NAV3: variants seen among roughly 807,000 people sequenced by gnomAD.
NAV3 encodes the protein neuron navigator 3, also known as pore membrane and/or filament interacting like protein 1.
In NAV3, 87 loss-of-function variants were observed where a neutral mutation model predicts 244.7. The observed-to-expected ratio is 0.36, with a 90% CI of 0.30 to 0.42. The LOEUF is 0.42. Among genes scored for constraint, NAV3 ranks in the 20% least tolerant of loss-of-function variants. The probability of loss-of-function intolerance (pLI) is 1.00; values close to 1 mark genes in which losing one functional copy is unlikely to be tolerated. For synonymous variants in NAV3, 1,126 were observed against 1,042.2 expected (o/e 1.08, Z -1.55); for missense variants, 2,663 against 2,893.3 (o/e 0.92, Z 1.83).
chr12:78,119,244 C>T lies in NAV3; in HGVS notation c.3048C>T (p.Thr1016=), dbSNP rs1280619178. ...GTATTTCTCCTTAATTAGGGAAAAC[C>T]GATGATGCCAAAGCTTCTGAGAAAG... ...GTSALKTPGK[T]DDAKASEKGK... Residue 1016 remains threonine (T), a synonymous_variant, in exon 15 of 40, where the codon ACC becomes ACT. Transcript: ENST00000397909. The T allele has an allele frequency of 4.4e-6, 7 of 1,608,368 alleles. No individual in the cohort carries two copies. Among genetic ancestry groups the T allele is most frequent in the Admixed American group, 1.7e-5 (1 of 58,554 alleles).
intron 1 of NAV3, among the ~76,000 whole-genome samples, chr12:77,936,575 T>G (rs545747215): frequency 6.6e-6 from 1 of 152,334 alleles, no homozygotes; most frequent in Non-Finnish European, 1.5e-5. Flanking sequence ...AAAAAAACTA[T>G]AATTAATTCA....
chr12:77,830,994 A>T lies in NAV3; in HGVS notation c.-468A>T, dbSNP rs7977457. 1 of 152,078 alleles carries T rather than the reference A, an allele frequency of 6.6e-6. No homozygotes were observed. Among genetic ancestry groups the T allele is most frequent in the East Asian group, 1.9e-4 (1 of 5,176 alleles). 9.4% of individuals were successfully genotyped at this position (152,078 alleles called of 1,614,324 possible). The stretch of plus-strand genomic sequence containing the variant: ...CCTTTTGATTTTTTCCTCTTTTTCA[A>T]TCTCAAAGTTCAGACTCAGACTGCT... On this transcript the variant is annotated 5_prime_UTR_variant, in exon 1 of 40. Coordinates refer to ENST00000397909, the MANE Select transcript of NAV3 (RefSeq NM_001024383.2).
intron 5 of NAV3, among the ~76,000 whole-genome samples, chr12:77,987,802 G>C (rs959213894): frequency 6.6e-6 from 1 of 152,122 alleles, no homozygotes; most frequent in Non-Finnish European, 1.5e-5. Context: ...CTGAAGTTTA[G>C]GATTGAGATT....
In NAV3 at chr12:77,772,785, A is replaced by T. The variant is rs145873031; in HGVS notation, c.73-167534A>T. Among the ~76,000 whole-genome samples the T allele has an allele frequency of 3.6e-3, 552 of 152,252 alleles. 6 individuals carry two copies. The highest frequency in any genetic ancestry group is 0.013 in the African/African-American group (533 of 41,536). On this transcript the variant is annotated intron_variant, in intron 2 of 8. Coordinates refer to the NAV3 transcript ENST00000550042. ...TGAATTTTTACTGCGGTTTAGAATG[A>T]CCGTCAATGGCCAAAATGTGCTTTT...
rs1172325835 is a variant in NAV3 at position 78,119,644 on chromosome 12, C to T, written c.3448C>T (p.Pro1150Ser). ...TTCAAAATCCAGCACCAGTGGCATT[C>T]CTGGCCGAGGAGGCCACAGATCCAG... ...RPSKSSTSGIPGRGGHRSSTS... is the reference protein window; with the variant it reads ...RPSKSSTSGISGRGGHRSSTS... Residue 1150 changes from proline (P) to serine (S), a missense_variant, in exon 15 of 40, where the codon CCT becomes TCT. Physicochemically the swap from Pro to Ser is moderately conservative, Grantham distance 74 (BLOSUM62 -1). Around this residue, in one of 6 missense-constraint regions of NAV3, gnomAD observed 1,521 missense variants for 1,497.0 expected, o/e 1.02. Transcript: ENST00000397909. 4 of 1,614,054 alleles carry T rather than the reference C, an allele frequency of 2.5e-6. No homozygotes were observed.
chr12:77,712,568 C>T lies in NAV3; in HGVS notation c.72+140302C>T, dbSNP rs1000013285. Among the ~76,000 whole-genome samples the T allele has an allele frequency of 1.1e-3, 167 of 152,260 alleles. 1 individual carries two copies. The highest frequency in any genetic ancestry group is 3.4e-3 in the African/African-American group (143 of 41,558). On this transcript the variant is annotated intron_variant, in intron 2 of 8. Coordinates refer to the NAV3 transcript ENST00000550042. ...ATAAGATAAATGTTAGCCTGATATCCTAACCAGAACATGTTTATAGTGACC... is the reference window on the plus strand; with the variant it reads ...ATAAGATAAATGTTAGCCTGATATCTTAACCAGAACATGTTTATAGTGACC...
intron 2 of NAV3, among the ~76,000 whole-genome samples, chr12:77,659,645 A>G (rs1411614614): frequency 6.6e-6 from 1 of 152,208 alleles, no homozygotes; most frequent in Non-Finnish European, 1.5e-5. Context: ...ATACTGCTAT[A>G]AAGACACATG....
rs772202941 is a variant in NAV3, at chr12:78,175,391, T to C, written c.5067T>C (p.Asn1689=). Reference sequence around the variant, plus strand: ...GCCATTCCAGTATTGGCAGTGGTAATGATGCCGACTCCAAGAAGAAGAAAA... The same window carrying C: ...GCCATTCCAGTATTGGCAGTGGTAACGATGCCGACTCCAAGAAGAAGAAAA... The part of the protein sequence containing the change: ...ATSHSSIGSG[N]DADSKKKKKK... The change falls in exon 25 of 40, where the codon AAT becomes AAC. Residue 1689 remains asparagine (N), a synonymous_variant. Coordinates refer to ENST00000397909, the MANE Select transcript of NAV3 (RefSeq NM_001024383.2). 6.2e-7 allele frequency: 1 copy of C among 1,611,546 alleles called. No homozygotes were observed. The highest frequency in any genetic ancestry group is 8.5e-7 in the Non-Finnish European group (1 of 1,178,302).
At chr12:77,593,538 C>T (rs1423535652) in intron 2 of NAV3, among the ~76,000 whole-genome samples, 1 of 151,192 alleles carries the variant, frequency 6.6e-6, no homozygotes, top group African/African-American at 2.4e-5. Flanking sequence ...CAATCTCCAC[C>T]TCCCGGGTTC....
Position 78,048,884 on chromosome 12 carries a change from G to T in NAV3, c.2024-1109G>T, listed in dbSNP as rs12313224. On this transcript the variant is annotated intron_variant, in intron 9 of 39. Transcript: ENST00000397909. ...AGTTTTATCTGTAAGCCCCTGACTG[G>T]GGCTGCTACCTTTCTTTCAGATATG... 6.3e-3 allele frequency among the ~76,000 whole-genome samples: 956 copies of T among 152,296 alleles called. 9 individuals carry two copies. The highest frequency in any genetic ancestry group is 0.021 in the African/African-American group (891 of 41,564).
chr12:77,613,301 TCAA>T (rs1871002848), intron 2 of NAV3, among the ~76,000 whole-genome samples: 2 of 152,164 alleles, frequency 1.3e-5, no homozygotes, highest in African/African-American at 4.8e-5. Flanking sequence ...AAAACAGAAC[TCAA>T]CAACTTTTAT....
chr12:77,970,616 G>C (rs11107614), intron 5 of NAV3, among the ~76,000 whole-genome samples: 12 of 152,152 alleles, frequency 7.9e-5, no homozygotes, highest in African/African-American at 2.6e-4. Flanking sequence ...AAATAATGCA[G>C]ATATTTGACT....
At chr12:78,000,198 G>C (rs1677882) in intron 7 of NAV3, among the ~76,000 whole-genome samples, 21,564 of 152,132 alleles carry the variant, frequency 0.14, 1,641 homozygotes, top group East Asian at 0.3. Flanking sequence ...AGAAGGCAGT[G>C]CAAAATTAGA....
At chr12:77,868,789 G>A (rs1329111526) in intron 1 of NAV3, among the ~76,000 whole-genome samples, 3 of 151,018 alleles carry the variant, frequency 2.0e-5, no homozygotes, top group South Asian at 2.1e-4. Context: ...AAACTTAGAG[G>A]CTGGGCATGG....
chr12:77,592,874 G>C (rs142578509), intron 2 of NAV3, among the ~76,000 whole-genome samples: 1 of 152,228 alleles, frequency 6.6e-6, no homozygotes, highest in African/African-American at 2.4e-5. Flanking sequence ...AAAAAGAAAA[G>C]GCTGACATTT....
chr12:78,059,257 T>A (rs1883962788), intron 12 of NAV3, 142 bp downstream of exon 12: 1 of 823,360 alleles, frequency 1.2e-6, no homozygotes, highest in Non-Finnish European at 1.7e-6. Context: ...GATAAATAAT[T>A]ATTTAGGGTT....
rs1882691119 is a variant in NAV3 at position 78,051,107 on chromosome 12, A to G, written c.2476A>G (p.Ile826Val). The change falls in exon 11 of 40, where the codon ATC becomes GTC. Residue 826 changes from isoleucine to valine, a missense_variant. Physicochemically the swap from Ile to Val is conservative, Grantham distance 29. Coordinates refer to ENST00000397909, the MANE Select transcript of NAV3 (RefSeq NM_001024383.2). The stretch of plus-strand genomic sequence containing the variant: ...GGGTGGATATATGAGTGATGGTGAT[A>G]TCCTTGGGAAAAGTCTCAGGACTGA... ...DVGGYMSDGD[I>V]LGKSLRTDDI... is the part of the protein sequence containing the mutation. 6.2e-7 allele frequency: 1 copy of G among 1,613,068 alleles called. No individual in the cohort carries two copies. The highest frequency in any genetic ancestry group is 1.3e-5 in the African/African-American group (1 of 74,904).
intron 38 of NAV3, among the ~76,000 whole-genome samples, chr12:78,202,232 A>T (rs1464582022): frequency 6.6e-6 from 1 of 152,112 alleles, no homozygotes; most frequent in African/African-American, 2.4e-5. Flanking sequence ...TTTGTACCAA[A>T]AAAAATCATT....
rs566686607 is a variant in NAV3, at chr12:78,200,203, A to C, written c.6716-270A>C. Among the ~76,000 whole-genome samples the C allele has an allele frequency of 2.0e-5, 3 of 152,164 alleles. No homozygotes were observed. In the South Asian group the frequency reaches 6.2e-4, roughly 32 times the overall value. On this transcript the variant is annotated intron_variant, in intron 37 of 39. Coordinates refer to ENST00000397909, the MANE Select transcript of NAV3 (RefSeq NM_001024383.2). The stretch of plus-strand genomic sequence containing the variant: ...ATTTCAGCACAGCTTTATTGCTTGT[A>C]AAATGAAACAGGATAACTGCATTAT...
Sources: gnomAD v4.1 joint callset for allele counts (sites outside exome capture counted in the v4.1 genomes callset) on GRCh38, gnomAD v4.1.1 for gene constraint, gnomAD v4.1.1 regional missense constraint, MANE v1.5 for transcripts, NCBI Gene and HGNC (gene_info 2026-07-23, HGNC 2026-07-21) for gene names.